The following TTC34 variants were observed in gnomAD, a reference collection of about 807,000 sequenced individuals.
TTC34 encodes the protein tetratricopeptide repeat domain 34.
TTC34 carries 44 observed loss-of-function variants against 40.7 expected under a neutral mutation model. The observed-to-expected ratio is 1.08, with a 90% CI of 0.85 to 1.39. The LOEUF (loss-of-function observed/expected upper bound fraction) is 1.39, where lower values mean the gene tolerates loss of function less well. Ranked by LOEUF, TTC34 falls within the 40% of genes most tolerant of loss-of-function variation. The pLI, the probability that TTC34 is intolerant of heterozygous loss-of-function variation, is 0.00. For missense variants in TTC34, 884 were observed against 838.0 expected, an observed-to-expected ratio of 1.05 and a Z score of -0.68; for synonymous variants, 422 against 398.6, an observed-to-expected ratio of 1.06 and a Z score of -0.70.
chr1:2,641,027 A>T (rs886280688), exon 9 of TTC34: 23 of 67,266 alleles, frequency 3.4e-4, no homozygotes, highest in Admixed American at 6.8e-4. Flanking sequence ...TGGGGAGGGC[A>T]GGGAAGGGGG....
intron 6 of TTC34, among the ~76,000 whole-genome samples, chr1:2,685,837 A>G (rs1640312156): frequency 2.5e-5 from 3 of 119,450 alleles, no homozygotes; most frequent in Non-Finnish European, 5.4e-5. Context: ...CGGCACCCCC[A>G]TGCCCAGGTG....
At chr1:2,790,392 C>A (rs1643650543) in intron 2 of TTC34, 46 bp from the exon 3 acceptor site, 1 of 398,412 alleles carries the variant, frequency 2.5e-6, no homozygotes, top group Non-Finnish European at 4.4e-6. Context: ...GGGGCCGACT[C>A]CCCGGGGGTG....
intron 6 of TTC34, among the ~76,000 whole-genome samples, chr1:2,696,454 T>C (rs1296258061): frequency 1.9e-4 from 6 of 31,360 alleles, no homozygotes; most frequent in Admixed American, 3.7e-4. Flanking sequence ...GGTGAGCATG[T>C]GACAGCCTGG....
intron 6 of TTC34, among the ~76,000 whole-genome samples, chr1:2,753,299 C>A (rs1404821442): frequency 1.7e-3 from 132 of 78,876 alleles, no homozygotes; most frequent in African/African-American, 2.2e-3. Flanking sequence ...CCTGCACACC[C>A]AGGTGAGCAT....
At chr1:2,684,908 C>G (rs1226289930) in intron 6 of TTC34, among the ~76,000 whole-genome samples, 1 of 119,886 alleles carries the variant, frequency 8.3e-6, no homozygotes, top group East Asian at 2.7e-4. Context: ...CCTGGAACAG[C>G]ACCCTGCACA....
chr1:2,653,197 G>A (rs1235671436), intron 6 of TTC34, among the ~76,000 whole-genome samples: 73 of 77,744 alleles, frequency 9.4e-4, no homozygotes, highest in East Asian at 4.8e-3. Context: ...GCCTGGAACA[G>A]AACCCACACC....
At position 2,690,280 on chromosome 1, in the gene TTC34, G is replaced by A. The variant is rs567287134; in HGVS notation, c.2227-44717C>T. Among the ~76,000 whole-genome samples, 2 of 98,044 alleles carry A rather than the reference G, an allele frequency of 2.0e-5. 1 individual carries two copies. The highest frequency in any genetic ancestry group is 4.2e-5 in the Non-Finnish European group (2 of 47,962). The allele number at this position is 98,044 out of a possible 152,430, so 64.3% of individuals were successfully genotyped here. A position where few individuals can be genotyped will look rare whatever the true frequency, so the allele number is the denominator to read the frequency against. ...TGCACACCCAGGTGAGCATCCGACA[G>A]CCTGGAGCAGCACCCACACCTCCAG... On this transcript the variant is annotated intron_variant, in intron 6 of 8. Coordinates refer to ENST00000401095, the Ensembl canonical transcript of TTC34.
Position 2,646,330 on chromosome 1 carries a change from G to A in TTC34, c.2227-767C>T, listed in dbSNP as rs952523405. Among the ~76,000 whole-genome samples the A allele has an allele frequency of 2.8e-4, 42 of 152,092 alleles. 1 individual carries two copies. The highest frequency in any genetic ancestry group is 5.7e-4 in the Non-Finnish European group (39 of 68,018). On this transcript the variant is annotated intron_variant, in intron 6 of 8. Coordinates refer to ENST00000401095, the Ensembl canonical transcript of TTC34. The stretch of plus-strand genomic sequence containing the variant: ...CATTATTCCCATACTTTGTGTTATC[G>A]TTGTCCTACACTGAGCGATGCATTT...
chr1:2,654,111 C>T (rs28645157), intron 6 of TTC34, among the ~76,000 whole-genome samples: 151 of 147,438 alleles, frequency 1.0e-3, no homozygotes, highest in South Asian at 1.5e-3. Flanking sequence ...CATCTGACAA[C>T]CTGGAGCAGC....
exon 9 of TTC34, chr1:2,640,511 G>T: frequency 6.6e-6 from 1 of 152,392 alleles, no homozygotes. Flanking sequence ...TTGGAAGGGA[G>T]GGGCCTGTGG....
At chr1:2,752,601 CAGG>C (rs1641361177) in intron 6 of TTC34, among the ~76,000 whole-genome samples, 7 of 36,078 alleles carry the variant, frequency 1.9e-4, no homozygotes, top group East Asian at 2.4e-3. Flanking sequence ...CAACCTGGAA[CAGG>C]ACAAACACCC....
At chr1:2,754,780 C>A (rs1641449920) in intron 6 of TTC34, among the ~76,000 whole-genome samples, 1 of 151,700 alleles carries the variant, frequency 6.6e-6, no homozygotes, top group African/African-American at 2.4e-5. Context: ...CACCCACACC[C>A]ACAGGTGAGC....
intron 6 of TTC34, among the ~76,000 whole-genome samples, chr1:2,752,756 GTGGAACAGCACCCATACGCCCAGATA>G (rs1641365781): frequency 6.0e-5 from 4 of 66,988 alleles, no homozygotes; most frequent in Non-Finnish European, 8.7e-5. Context: ...ATCTGACAGC[GTGGAACAGCACCCATACGCCCAGATA>G]AGCATGTGAC....
At chr1:2,800,264 G>A in exon 2 of TTC34, 1 of 398,628 alleles carries the variant, frequency 2.5e-6, no homozygotes, top group Non-Finnish European at 4.4e-6. Context: ...GGAGGGCACT[G>A]AGCAGCGCGG....
intron 5 of TTC34, among the ~76,000 whole-genome samples, 191 bp from the exon 6 acceptor site, chr1:2,783,966 A>T (rs1179966238): frequency 6.6e-6 from 1 of 151,968 alleles, no homozygotes; most frequent in Non-Finnish European, 1.5e-5. Flanking sequence ...GGGCAAGAGG[A>T]GCTCAGCCAG....
At chr1:2,695,018 G>A (rs1640795607) in intron 6 of TTC34, among the ~76,000 whole-genome samples, 2 of 152,068 alleles carry the variant, frequency 1.3e-5, no homozygotes, top group African/African-American at 4.8e-5. Flanking sequence ...TGACAGCCTG[G>A]AACAGCACCC....
At chr1:2,694,826 C>A (rs1166833909) in intron 6 of TTC34, among the ~76,000 whole-genome samples, 1 of 94,508 alleles carries the variant, frequency 1.1e-5, no homozygotes. Context: ...GGAACGACAC[C>A]CACACCCCCA....
intron 6 of TTC34, among the ~76,000 whole-genome samples, chr1:2,757,708 A>C (rs1242107305): frequency 3.5e-5 from 5 of 143,598 alleles, no homozygotes; most frequent in Admixed American, 2.1e-4. Context: ...GCAGCACCCC[A>C]CACCCACAGG....
exon 9 of TTC34, chr1:2,640,543 C>G (rs1463733556): frequency 1.3e-5 from 2 of 152,242 alleles, no homozygotes; most frequent in Non-Finnish European, 2.9e-5. Flanking sequence ...AGTTTACCCC[C>G]AGCACACTGG....
Sources: gnomAD v4.1 joint callset for allele counts (sites outside exome capture counted in the v4.1 genomes callset) on GRCh38, gnomAD v4.1.1 for gene constraint, MANE v1.5 for transcripts, NCBI Gene and HGNC (gene_info 2026-07-23, HGNC 2026-07-21) for gene names.